Variants in ZNF385B observed in about 807,000 individuals in gnomAD.
ZNF385B encodes the protein zinc finger protein 385B, also known as zinc finger protein 533.
ZNF385B carries 23 observed loss-of-function variants against 39.2 expected under a neutral mutation model. The observed-to-expected ratio is 0.59, with a 90% confidence interval of 0.42 to 0.83. The LOEUF is 0.83. ZNF385B is among the 40% of genes least tolerant of loss of function. The pLI, the probability that ZNF385B is intolerant of heterozygous loss-of-function variation, is 0.00. For synonymous variants in ZNF385B, 205 were observed against 222.6 expected (o/e 0.92, Z 0.70); for missense variants, 552 against 598.9 (o/e 0.92, Z 0.82).
intron 3 of ZNF385B, among the ~76,000 whole-genome samples, chr2:179,752,797 A>AAC (rs2106471996): frequency 6.6e-6 from 1 of 151,886 alleles, no homozygotes; most frequent in Non-Finnish European, 1.5e-5. Context: ...TTTTCTTGTA[A>AAC]ATTTGTTGGG....
rs149546834 is a variant in ZNF385B, at chr2:179,594,452, G to A, written c.299-49483C>T. ...TTTTTGCGTATGTTACAGCAGGGAA[G>A]AGACTGTTCACCACTACTGATTTCT... is the stretch of plus-strand genomic sequence containing the variant. On this transcript the variant is annotated intron_variant, in intron 3 of 9. Coordinates refer to ENST00000410066, the MANE Select transcript of ZNF385B (RefSeq NM_152520.6). Among the ~76,000 whole-genome samples the A allele has an allele frequency of 1.8e-3, 278 of 152,302 alleles. 1 individual carries two copies. The highest frequency in any genetic ancestry group is 6.3e-3 in the African/African-American group (263 of 41,572).
At chr2:179,763,118 TG>T (rs1703497313) in intron 3 of ZNF385B, among the ~76,000 whole-genome samples, 1 of 152,120 alleles carries the variant, frequency 6.6e-6, no homozygotes, top group African/African-American at 2.4e-5. Context: ...TTGGCCAGGC[TG>T]GTATCAACAC....
At chr2:179,776,977 G>T (rs997791152) in intron 1 of ZNF385B, among the ~76,000 whole-genome samples, 2 of 151,888 alleles carry the variant, frequency 1.3e-5, no homozygotes, top group Non-Finnish European at 2.9e-5. Context: ...CACTTAGAAG[G>T]TTCTCCATAA....
chr2:179,596,949 C>G (rs12693196), intron 3 of ZNF385B, among the ~76,000 whole-genome samples: 23,631 of 152,144 alleles, frequency 0.16, 2,190 homozygotes, highest in East Asian at 0.24. Context: ...GCTCATCTTT[C>G]ACAGGTTCTC....
At chr2:179,791,962 A>G (rs1417536478) in intron 1 of ZNF385B, among the ~76,000 whole-genome samples, 1 of 152,140 alleles carries the variant, frequency 6.6e-6, no homozygotes, top group Non-Finnish European at 1.5e-5. Flanking sequence ...GGGTTTCACC[A>G]TGTTGGCCAG....
intron 3 of ZNF385B, among the ~76,000 whole-genome samples, chr2:179,597,428 A>G (rs1043843281): frequency 7.2e-5 from 11 of 152,230 alleles, no homozygotes; most frequent in Non-Finnish European, 1.2e-4. Flanking sequence ...TACATATAAA[A>G]TGTACTATGT....
chr2:179,672,836 T>A (rs1203479941), intron 3 of ZNF385B, among the ~76,000 whole-genome samples: 1 of 152,136 alleles, frequency 6.6e-6, no homozygotes, highest in African/African-American at 2.4e-5. Context: ...GCCACCAAGT[T>A]TAAGACATTT....
chr2:179,769,424 T>C, intron 3 of ZNF385B, 79 bp downstream of exon 3: 1 of 1,566,740 alleles, frequency 6.4e-7, no homozygotes, highest in East Asian at 2.3e-5. Context: ...AAAAATTAAG[T>C]CTTGTTCTAA....
At chr2:179,493,656 T>C (rs1331181516) in intron 5 of ZNF385B, among the ~76,000 whole-genome samples, 9 of 106,900 alleles carry the variant, frequency 8.4e-5, no homozygotes, top group Admixed American at 2.3e-4. Flanking sequence ...TGCGTATACA[T>C]ATATGTATAT....
chr2:179,811,846 T>C (rs1195621838), intron 1 of ZNF385B, among the ~76,000 whole-genome samples: 1 of 151,864 alleles, frequency 6.6e-6, no homozygotes, highest in Non-Finnish European at 1.5e-5. Flanking sequence ...AAAGAAACTA[T>C]CAACAGAATA....
At chr2:179,660,371 GT>G (rs1694326980) in intron 3 of ZNF385B, among the ~76,000 whole-genome samples, 1 of 152,164 alleles carries the variant, frequency 6.6e-6, no homozygotes, top group South Asian at 2.1e-4. Context: ...CTTCACTGGA[GT>G]TTGAGATGTA....
chr2:179,518,818 T>C (rs1358740838), intron 4 of ZNF385B, among the ~76,000 whole-genome samples, 180 bp from the exon 5 acceptor site: 1 of 150,888 alleles, frequency 6.6e-6, no homozygotes, highest in Non-Finnish European at 1.5e-5. Flanking sequence ...CAAAAACAAA[T>C]GACAAAAATG....
At chr2:179,837,394 T>C (rs1263723022) in intron 1 of ZNF385B, among the ~76,000 whole-genome samples, 2 of 152,230 alleles carry the variant, frequency 1.3e-5, no homozygotes, top group South Asian at 2.1e-4. Flanking sequence ...TCATTTCAGA[T>C]TGAAATTCAC....
intron 3 of ZNF385B, among the ~76,000 whole-genome samples, chr2:179,757,438 G>A (rs538320162): frequency 9.5e-4 from 144 of 152,290 alleles, no homozygotes; most frequent in Middle Eastern, 6.8e-3. Context: ...CAGTCTGCCC[G>A]TTCTCAGGTC....
intron 3 of ZNF385B, among the ~76,000 whole-genome samples, chr2:179,601,939 A>G (rs191430469): frequency 6.6e-6 from 1 of 152,300 alleles, no homozygotes; most frequent in African/African-American, 2.4e-5. Flanking sequence ...AGAGTCAACA[A>G]GAAAAAGATT....
chr2:179,753,703 A>G (rs1270270376), intron 3 of ZNF385B, among the ~76,000 whole-genome samples: 1 of 152,154 alleles, frequency 6.6e-6, no homozygotes, highest in African/African-American at 2.4e-5. Flanking sequence ...AAGCAATTGT[A>G]AATGGGAGTT....
intron 3 of ZNF385B, among the ~76,000 whole-genome samples, chr2:179,696,386 T>C (rs532340123): frequency 7.3e-6 from 1 of 136,608 alleles, no homozygotes; most frequent in East Asian, 2.5e-4. Context: ...TTGACTCACC[T>C]CTAACCTCAC....
At chr2:179,497,978 T>C (rs1284145759) in intron 5 of ZNF385B, among the ~76,000 whole-genome samples, 1 of 152,148 alleles carries the variant, frequency 6.6e-6, no homozygotes, top group African/African-American at 2.4e-5. Flanking sequence ...AAGGTCACTA[T>C]ATAGTGATAA....
chr2:179,555,416 C>T (rs193033239), intron 3 of ZNF385B, among the ~76,000 whole-genome samples: 6 of 149,282 alleles, frequency 4.0e-5, no homozygotes, highest in Admixed American at 2.0e-4. Flanking sequence ...TCTGGGGGGC[C>T]AGCTACACAT....
Sources: allele counts gnomAD v4.1 joint callset (sites outside exome capture counted in the v4.1 genomes callset), GRCh38; gene constraint gnomAD v4.1.1; transcripts MANE v1.5; gene names NCBI Gene and HGNC (gene_info 2026-07-23, HGNC 2026-07-21).